Variants in SPATA6 observed in about 807,000 individuals in gnomAD.
The protein encoded by SPATA6 is spermatogenesis associated 6.
A neutral mutation model predicts 65.3 loss-of-function variants in SPATA6; 56 were observed. That is an observed-to-expected ratio of 0.86 (90% confidence interval 0.69 to 1.07). The LOEUF (loss-of-function observed/expected upper bound fraction) is 1.07. Ranked by LOEUF, SPATA6 falls within the 50% of genes least tolerant of loss-of-function variation. The probability of loss-of-function intolerance (pLI) is 0.00; values close to 1 mark genes in which losing one functional copy is unlikely to be tolerated. For synonymous variants in SPATA6, 199 were observed against 213.2 expected, an observed-to-expected ratio of 0.93 and a Z score of 0.58; for missense variants, 590 against 594.8, an observed-to-expected ratio of 0.99 and a Z score of 0.08.
chr1:48,415,614 A>T (rs1312038181), intron 3 of SPATA6, among the ~76,000 whole-genome samples: 2 of 149,804 alleles, frequency 1.3e-5, no homozygotes, highest in Non-Finnish European at 2.9e-5. Flanking sequence ...AAAAATTTCC[A>T]AAACTGAAAA....
intron 9 of SPATA6, among the ~76,000 whole-genome samples, chr1:48,360,496 G>A (rs539598636): frequency 6.6e-6 from 1 of 152,174 alleles, no homozygotes; most frequent in Admixed American, 6.6e-5. Context: ...AAGATTATCT[G>A]TGGAAAGACT....
chr1:48,438,403 G>A (rs528226861), intron 3 of SPATA6, among the ~76,000 whole-genome samples: 83 of 152,148 alleles, frequency 5.5e-4, no homozygotes, highest in Non-Finnish European at 7.8e-4. Flanking sequence ...TAGCGCAGCC[G>A]CCGGACTAAA....
the SPATA6 span, among the ~76,000 whole-genome samples, chr1:48,285,104 ACTTT>A: frequency 6.6e-6 from 1 of 152,090 alleles, no homozygotes; most frequent in Non-Finnish European, 1.5e-5. Context: ...GGGGCTGCTG[ACTTT>A]CTTTCAGAGA....
chr1:48,402,402 T>C (rs1651252322), intron 6 of SPATA6, among the ~76,000 whole-genome samples: 1 of 152,090 alleles, frequency 6.6e-6, no homozygotes, highest in Non-Finnish European at 1.5e-5. Context: ...AAAAAAAAAC[T>C]GTCTGAGTCC....
At chr1:48,394,459 A>G (rs1650383347) in intron 8 of SPATA6, among the ~76,000 whole-genome samples, 1 of 152,114 alleles carries the variant, frequency 6.6e-6, no homozygotes, top group African/African-American at 2.4e-5. Flanking sequence ...CTAATTTCAC[A>G]TAATCTGCTA....
chr1:48,349,659 A>G (rs989061726), intron 11 of SPATA6, among the ~76,000 whole-genome samples: 7 of 151,940 alleles, frequency 4.6e-5, no homozygotes, highest in Admixed American at 1.3e-4. Context: ...TTTTGTAGTC[A>G]ACATCTTCTG....
the SPATA6 span, among the ~76,000 whole-genome samples, chr1:48,269,762 CTT>C: frequency 6.6e-6 from 1 of 151,262 alleles, no homozygotes; most frequent in Non-Finnish European, 1.5e-5. Flanking sequence ...TATAAATACA[CTT>C]ATATAACAAA....
At chr1:48,393,826 A>G (rs1027565067) in intron 8 of SPATA6, among the ~76,000 whole-genome samples, 1 of 152,088 alleles carries the variant, frequency 6.6e-6, no homozygotes, top group African/African-American at 2.4e-5. Context: ...GCAGCGAGAG[A>G]AGGAGAGCCC....
intron 2 of SPATA6, among the ~76,000 whole-genome samples, chr1:48,452,244 A>T (rs1656636496): frequency 6.6e-6 from 1 of 152,140 alleles, no homozygotes; most frequent in Non-Finnish European, 1.5e-5. Flanking sequence ...AAAGGGAAGG[A>T]AGGAAGGCGA....
chr1:48,412,395 A>T (rs1172346476), intron 4 of SPATA6, among the ~76,000 whole-genome samples: 1 of 152,244 alleles, frequency 6.6e-6, no homozygotes, highest in Non-Finnish European at 1.5e-5. Flanking sequence ...AGTTTTAGAA[A>T]AATCACAAAA....
chr1:48,268,555 T>TA, the SPATA6 span, among the ~76,000 whole-genome samples: 177 of 150,060 alleles, frequency 1.2e-3, no homozygotes, highest in African/African-American at 4.0e-3. Flanking sequence ...TGTGCTAAAT[T>TA]AAAAAAAAAA....
the SPATA6 span, among the ~76,000 whole-genome samples, chr1:48,271,454 T>C: frequency 6.6e-6 from 1 of 152,182 alleles, no homozygotes; most frequent in Non-Finnish European, 1.5e-5. Flanking sequence ...TTTTCATTTT[T>C]ATGTCTCTTG....
chr1:48,429,234 T>C (rs1654177424), intron 3 of SPATA6, among the ~76,000 whole-genome samples: 1 of 152,086 alleles, frequency 6.6e-6, no homozygotes, highest in Admixed American at 6.5e-5. Context: ...TTGTTGCACC[T>C]CACCCCATTG....
intron 11 of SPATA6, among the ~76,000 whole-genome samples, chr1:48,351,305 T>C (rs1190888633): frequency 1.3e-5 from 2 of 152,014 alleles, no homozygotes; most frequent in Non-Finnish European, 2.9e-5. Context: ...TTTCTTCCTT[T>C]CTAATCTGTA....
chr1:48,356,183 GTTTCT>G (rs1029649858), intron 10 of SPATA6, among the ~76,000 whole-genome samples: 5 of 151,956 alleles, frequency 3.3e-5, no homozygotes, highest in African/African-American at 1.2e-4. Context: ...AAGTTAAATG[GTTTCT>G]TTTCAACACA....
intron 11 of SPATA6, among the ~76,000 whole-genome samples, chr1:48,341,802 TAGTTA>T (rs1352297259): frequency 5.3e-5 from 8 of 152,152 alleles, no homozygotes; most frequent in East Asian, 1.9e-4. Flanking sequence ...GGTAAGTGCT[TAGTTA>T]AGTTGAGAAA....
chr1:48,408,404 A>G (rs1651899248), intron 5 of SPATA6, among the ~76,000 whole-genome samples: 1 of 152,222 alleles, frequency 6.6e-6, no homozygotes, highest in Non-Finnish European at 1.5e-5. Flanking sequence ...ATAGTAAAGG[A>G]TAGAGAGTAA....
At position 48,393,719 on chromosome 1, in the gene SPATA6, C is replaced by T. The variant is rs1301611198; in HGVS notation, c.868+1548G>A. Among the ~76,000 whole-genome samples, 4 of 152,156 alleles carry T rather than the reference C, an allele frequency of 2.6e-5. No individual in the cohort carries two copies. The East Asian group carries it at 7.7e-4, about 29-fold the overall frequency. On this transcript the variant is annotated intron_variant, in intron 8 of 12. Coordinates refer to ENST00000371847, the MANE Select transcript of SPATA6 (RefSeq NM_019073.4). Reference sequence around the variant, plus strand: ...ATTTTATTTCTCACAGTTCTGAAGACTGAAAATTAGAAATCAGGGTGCCAG... The same window carrying T: ...ATTTTATTTCTCACAGTTCTGAAGATTGAAAATTAGAAATCAGGGTGCCAG...
intron 9 of SPATA6, among the ~76,000 whole-genome samples, chr1:48,363,875 T>A (rs1646903497): frequency 6.6e-6 from 1 of 152,064 alleles, no homozygotes; most frequent in African/African-American, 2.4e-5. Context: ...TATGTATACA[T>A]GTGCCATGCT....
Sources: allele counts gnomAD v4.1 joint callset (sites outside exome capture counted in the v4.1 genomes callset), GRCh38; gene constraint gnomAD v4.1.1; transcripts MANE v1.5; gene names NCBI Gene and HGNC (gene_info 2026-07-23, HGNC 2026-07-21).